Variants in NALF1 observed in about 807,000 individuals in gnomAD.
The protein encoded by NALF1 is family with sequence similarity 155 member A.
A neutral mutation model predicts 48.4 loss-of-function variants in NALF1; 3 were observed. That is an observed-to-expected ratio of 0.06 (90% confidence interval 0.03 to 0.16). The LOEUF (loss-of-function observed/expected upper bound fraction) is 0.16, where lower values mean the gene tolerates loss of function less well. Ranked by LOEUF, NALF1 falls within the 10% of genes least tolerant of loss-of-function variation. NALF1 has a pLI of 1.00. For missense variants in NALF1, 526 were observed against 571.5 expected (o/e 0.92, Z 0.81); for synonymous variants, 262 against 245.7 (o/e 1.07, Z -0.62).
At chr13:107,244,990 C>G (rs1302159733) in intron 1 of NALF1, among the ~76,000 whole-genome samples, 1 of 152,056 alleles carries the variant, frequency 6.6e-6, no homozygotes, top group Non-Finnish European at 1.5e-5. Context: ...ATTGGCTGAG[C>G]AAGAATATTG....
At chr13:107,506,306 C>A (rs1334552710) in intron 1 of NALF1, among the ~76,000 whole-genome samples, 1 of 151,928 alleles carries the variant, frequency 6.6e-6, no homozygotes, top group Non-Finnish European at 1.5e-5. Context: ...AGTCAAGCTA[C>A]CTGTATGTAT....
intron 1 of NALF1, among the ~76,000 whole-genome samples, chr13:107,792,771 A>C (rs1878289327): frequency 6.6e-6 from 1 of 152,226 alleles, no homozygotes; most frequent in Non-Finnish European, 1.5e-5. Flanking sequence ...TAATGTACCC[A>C]AAATTACACT....
At position 107,795,439 on chromosome 13, in the gene NALF1, T is replaced by C. The variant is rs1467251831; in HGVS notation, c.915+70243A>G. Among the ~76,000 whole-genome samples, 13 of 152,196 alleles carry C rather than the reference T, an allele frequency of 8.5e-5. No individual in the cohort carries two copies. The South Asian group carries it at 1.5e-3, about 17-fold the overall frequency. On this transcript the variant is annotated intron_variant, in intron 1 of 2. Transcript: ENST00000375915. ...TGGAAAGTGTCATTAAACAAATCAG[T>C]CCATCCCTCTCTAGTTTAAAGTTGT...
intron 1 of NALF1, among the ~76,000 whole-genome samples, chr13:107,844,452 TG>T (rs1489461663): frequency 3.3e-5 from 5 of 152,180 alleles, no homozygotes; most frequent in Non-Finnish European, 5.9e-5. Context: ...AGGAACAAAA[TG>T]CTTTACCTTT....
chr13:107,354,851 G>T (rs1345970237), intron 1 of NALF1, among the ~76,000 whole-genome samples: 1 of 152,124 alleles, frequency 6.6e-6, no homozygotes, highest in Non-Finnish European at 1.5e-5. Flanking sequence ...CTTCCCATCT[G>T]CAATGGCATG....
chr13:107,534,555 A>C (rs77290941), intron 1 of NALF1, among the ~76,000 whole-genome samples: 4,315 of 152,230 alleles, frequency 0.028, 161 homozygotes, highest in East Asian at 0.11. Flanking sequence ...TGGTTTGCTG[A>C]ACAGATCAAC....
chr13:107,811,547 C>A (rs540415088), intron 1 of NALF1, among the ~76,000 whole-genome samples: 2 of 152,296 alleles, frequency 1.3e-5, no homozygotes, highest in South Asian at 2.1e-4. Context: ...TATTATTAAT[C>A]TTTATGGCCC....
chr13:107,286,391 T>C (rs1297785261), intron 1 of NALF1, among the ~76,000 whole-genome samples: 2 of 151,998 alleles, frequency 1.3e-5, no homozygotes, highest in Non-Finnish European at 2.9e-5. Context: ...TCCGGCACTT[T>C]GGGAGGCTGA....
intron 1 of NALF1, among the ~76,000 whole-genome samples, chr13:107,269,770 T>C (rs530163870): frequency 6.6e-6 from 1 of 151,962 alleles, no homozygotes; most frequent in East Asian, 1.9e-4. Flanking sequence ...CTTGTGATGT[T>C]ACAAGCAATT....
chr13:107,664,976 C>A (rs1203062598), intron 1 of NALF1, among the ~76,000 whole-genome samples: 2 of 149,146 alleles, frequency 1.3e-5, no homozygotes. Context: ...GAAAGTGAAA[C>A]AAAAAAAAAA....
intron 1 of NALF1, among the ~76,000 whole-genome samples, chr13:107,758,875 G>A (rs967540792): frequency 5.3e-4 from 81 of 152,088 alleles, no homozygotes; most frequent in African/African-American, 1.9e-3. Flanking sequence ...CAGGTTTTAC[G>A]AGAATGCACC....
chr13:107,481,524 T>C (rs1308183013), intron 1 of NALF1, among the ~76,000 whole-genome samples: 1 of 152,194 alleles, frequency 6.6e-6, no homozygotes, highest in East Asian at 1.9e-4. Context: ...AAACAGGTAC[T>C]GAACTTGACT....
At chr13:107,270,668 T>A (rs1169632162) in intron 1 of NALF1, among the ~76,000 whole-genome samples, 1 of 35,474 alleles carries the variant, frequency 2.8e-5, no homozygotes, top group East Asian at 3.4e-4. Flanking sequence ...TATATATATT[T>A]TTATTATTAT....
intron 1 of NALF1, among the ~76,000 whole-genome samples, chr13:107,581,598 T>C (rs754562227): frequency 2.0e-5 from 3 of 152,114 alleles, no homozygotes; most frequent in African/African-American, 4.8e-5. Flanking sequence ...GAAGGAAACA[T>C]CAATCTAGTT....
intron 1 of NALF1, among the ~76,000 whole-genome samples, chr13:107,215,544 C>T (rs1342275375): frequency 6.6e-6 from 1 of 152,110 alleles, no homozygotes; most frequent in African/African-American, 2.4e-5. Flanking sequence ...ACGGCACAGC[C>T]TCCGGAGACA....
chr13:107,355,782 A>C (rs973631509), intron 1 of NALF1, among the ~76,000 whole-genome samples: 1 of 152,176 alleles, frequency 6.6e-6, no homozygotes, highest in Non-Finnish European at 1.5e-5. Context: ...CCTTTTCTTC[A>C]TAAATTACCC....
Position 107,265,285 on chromosome 13 carries a change from C to T in NALF1, c.916-54530G>A, listed in dbSNP as rs565567019. On this transcript the variant is annotated intron_variant, in intron 1 of 2. Coordinates refer to ENST00000375915, the MANE Select transcript of NALF1 (RefSeq NM_001080396.3). ...AATTTCTCTAATATTCTTTATCTAG[C>T]CATATTACAGAATTTGGTTATTATT... Among the ~76,000 whole-genome samples, 2 of 152,218 alleles carry T rather than the reference C, an allele frequency of 1.3e-5. 1 individual carries two copies. The highest frequency in any genetic ancestry group is 4.8e-5 in the African/African-American group (2 of 41,548).
Position 107,341,308 on chromosome 13 carries a change from G to A in NALF1, c.916-130553C>T, listed in dbSNP as rs569487761. 6.1e-4 allele frequency among the ~76,000 whole-genome samples: 93 copies of A among 152,236 alleles called. 1 individual carries two copies. In the South Asian group the frequency reaches 0.019, roughly 31 times the overall value. ...ATGTTTGAAAACATAGAATGCAATG[G>A]AGAGGCACAATAAGCACAGTTAGCT... On this transcript the variant is annotated intron_variant, in intron 1 of 2. Coordinates refer to ENST00000375915, the MANE Select transcript of NALF1 (RefSeq NM_001080396.3).
intron 1 of NALF1, among the ~76,000 whole-genome samples, chr13:107,290,023 T>C (rs1881582829): frequency 6.6e-6 from 1 of 152,116 alleles, no homozygotes; most frequent in African/African-American, 2.4e-5. Context: ...CTTCGGGTTC[T>C]GATAGGATAA....
Sources: allele counts gnomAD v4.1 joint callset (sites outside exome capture counted in the v4.1 genomes callset), GRCh38; gene constraint gnomAD v4.1.1; transcripts MANE v1.5; gene names NCBI Gene and HGNC (gene_info 2026-07-23, HGNC 2026-07-21).